TRDN: variants seen among roughly 807,000 people sequenced by gnomAD.
TRDN encodes triadin in skeletal muscle.
In TRDN, 161 loss-of-function variants were observed where a neutral mutation model predicts 149.7. The observed-to-expected ratio is 1.08, with a 90% CI of 0.95 to 1.23. The LOEUF (loss-of-function observed/expected upper bound fraction) is 1.23. Ranked by LOEUF, TRDN falls within the 50% of genes most tolerant of loss-of-function variation. TRDN has a pLI of 0.00. For synonymous variants in TRDN, 294 were observed against 250.5 expected (o/e 1.17, Z -1.64); for missense variants, 896 against 823.5 (o/e 1.09, Z -1.08).
At chr6:123,378,558 C>T (rs1313762481) in intron 16 of TRDN, among the ~76,000 whole-genome samples, 1 of 151,558 alleles carries the variant, frequency 6.6e-6, no homozygotes, top group Non-Finnish European at 1.5e-5. Context: ...CTCAAGAGGT[C>T]CACCCACCTC....
intron 1 of TRDN, among the ~76,000 whole-genome samples, chr6:123,591,505 C>CAA (rs1237436231): frequency 6.6e-6 from 1 of 152,210 alleles, no homozygotes; most frequent in Non-Finnish European, 1.5e-5. Flanking sequence ...CTCAGCCTCT[C>CAA]AAAGTGCTGG....
chr6:123,306,868 T>G (rs150343057), intron 24 of TRDN, among the ~76,000 whole-genome samples: 18 of 151,030 alleles, frequency 1.2e-4, no homozygotes, highest in Non-Finnish European at 1.9e-4. Flanking sequence ...CATGTCATGT[T>G]TGCCACCATT....
intron 2 of TRDN, among the ~76,000 whole-genome samples, chr6:123,569,051 C>T (rs1189901405): frequency 6.6e-6 from 1 of 151,976 alleles, no homozygotes; most frequent in African/African-American, 2.4e-5. Context: ...TTTTTGTTCC[C>T]ACATCTTTGA....
At chr6:123,504,048 G>C in intron 7 of TRDN, 147 bp from the exon 8 acceptor site, 1 of 782,728 alleles carries the variant, frequency 1.3e-6, no homozygotes. Context: ...TATTTTTCAG[G>C]AAAACAATGA....
At chr6:123,455,506 C>T (rs1776064046) in intron 10 of TRDN, among the ~76,000 whole-genome samples, 2 of 151,484 alleles carry the variant, frequency 1.3e-5, no homozygotes, top group South Asian at 4.2e-4. Flanking sequence ...AAAGGAGATG[C>T]TATATTTTAT....
chr6:123,363,278 G>T (rs1428661495), intron 20 of TRDN, among the ~76,000 whole-genome samples: 1 of 152,172 alleles, frequency 6.6e-6, no homozygotes, highest in Non-Finnish European at 1.5e-5. Context: ...GGAATTTGGG[G>T]ATTGGGTAGT....
At chr6:123,340,877 A>G (rs1187257701) in intron 21 of TRDN, among the ~76,000 whole-genome samples, 1 of 151,990 alleles carries the variant, frequency 6.6e-6, no homozygotes, top group Non-Finnish European at 1.5e-5. Context: ...GTCTCACAAC[A>G]TCTTGTGGTT....
At chr6:123,511,549 T>G (rs1002124391) in intron 7 of TRDN, among the ~76,000 whole-genome samples, 35 of 152,340 alleles carry the variant, frequency 2.3e-4, no homozygotes, top group African/African-American at 8.4e-4. Context: ...CAAGGTATAA[T>G]ACTGGTCAAA....
rs1388385480 is a variant in TRDN at position 123,426,500 on chromosome 6, T to C, written c.1051+11563A>G. Among the ~76,000 whole-genome samples the C allele has an allele frequency of 2.0e-5, 3 of 152,172 alleles. No individual in the cohort carries two copies. The East Asian group carries it at 5.8e-4, about 29-fold the overall frequency. On this transcript the variant is annotated intron_variant, in intron 12 of 40. Coordinates refer to ENST00000334268, the MANE Select transcript of TRDN (RefSeq NM_006073.4). ...AAATTCCTGGGAATGTTAGTGTCTA[T>C]ACATATTTTTAGAGGGAAGACAGCC...
rs192379600 is a variant in TRDN at position 123,310,138 on chromosome 6, C to T, written c.1510+6319G>A. On this transcript the variant is annotated intron_variant, in intron 24 of 40. Coordinates refer to ENST00000334268, the MANE Select transcript of TRDN (RefSeq NM_006073.4). ...CATCTGTCCAGTAAATCGCATATTT[C>T]AGTAAAAGGTGATTTTTTTGTAGTT... is the stretch of plus-strand genomic sequence containing the variant. Among the ~76,000 whole-genome samples the T allele has an allele frequency of 3.6e-3, 551 of 152,076 alleles. 4 individuals are homozygous for T. The highest frequency in any genetic ancestry group is 7.6e-3 in the Admixed American group (115 of 15,216).
chr6:123,593,472 C>A (rs1435589768), intron 1 of TRDN, among the ~76,000 whole-genome samples: 1 of 152,188 alleles, frequency 6.6e-6, no homozygotes, highest in Non-Finnish European at 1.5e-5. Flanking sequence ...GTGACTTACA[C>A]ACAACACAAA....
At chr6:123,476,891 A>C (rs894695422) in intron 9 of TRDN, among the ~76,000 whole-genome samples, 13 of 151,636 alleles carry the variant, frequency 8.6e-5, no homozygotes, top group African/African-American at 2.2e-4. Context: ...CTTCCTTACA[A>C]CTTATACAAA....
At chr6:123,358,303 C>T (rs1056474532) in intron 20 of TRDN, among the ~76,000 whole-genome samples, 1 of 152,134 alleles carries the variant, frequency 6.6e-6, no homozygotes, top group African/African-American at 2.4e-5. Context: ...TTTAGCTAAA[C>T]TGGGAGCTGG....
chr6:123,546,709 C>T (rs1024984713), intron 4 of TRDN, among the ~76,000 whole-genome samples: 2 of 152,012 alleles, frequency 1.3e-5, no homozygotes, highest in African/African-American at 4.8e-5. Context: ...TGCTGTCCTC[C>T]TTTGTCCTAG....
intron 10 of TRDN, among the ~76,000 whole-genome samples, chr6:123,459,236 C>T (rs759242498): frequency 5.3e-5 from 8 of 152,196 alleles, no homozygotes; most frequent in Admixed American, 5.2e-4. Context: ...CCCTCTCCAC[C>T]CCGACCCTTA....
chr6:123,312,452 A>G lies in TRDN; in HGVS notation c.1510+4005T>C, dbSNP rs116212849. ...ATTTTATCTTATGATATTTTAAATA[A>G]TATTTTCTGTTCTCTAGTTCACTTT... is the stretch of plus-strand genomic sequence containing the variant. On this transcript the variant is annotated intron_variant, in intron 24 of 40. Coordinates refer to ENST00000334268, the MANE Select transcript of TRDN (RefSeq NM_006073.4). 2.2e-3 allele frequency among the ~76,000 whole-genome samples: 337 copies of G among 152,066 alleles called. 3 individuals are homozygous for G. Among genetic ancestry groups the G allele is most frequent in the African/African-American group, 7.7e-3 (320 of 41,508 alleles).
intron 1 of TRDN, among the ~76,000 whole-genome samples, chr6:123,587,640 G>T (rs1783566883): frequency 6.6e-6 from 1 of 152,140 alleles, no homozygotes; most frequent in Non-Finnish European, 1.5e-5. Context: ...CCACCAACAG[G>T]CTTTGTGTGA....
chr6:123,475,382 C>A (rs2114751093), intron 9 of TRDN, among the ~76,000 whole-genome samples: 1 of 142,974 alleles, frequency 7.0e-6, no homozygotes, highest in South Asian at 2.3e-4. Flanking sequence ...TCTGAATAGA[C>A]CAATAACAGG....
intron 9 of TRDN, among the ~76,000 whole-genome samples, chr6:123,479,683 G>C (rs1361273561): frequency 6.6e-6 from 1 of 152,144 alleles, no homozygotes. Flanking sequence ...CTTTGAGCTT[G>C]CATTTGCAGG....
Sources: gnomAD v4.1 joint callset for allele counts (sites outside exome capture counted in the v4.1 genomes callset) on GRCh38, gnomAD v4.1.1 for gene constraint, MANE v1.5 for transcripts, NCBI Gene and HGNC (gene_info 2026-07-23, HGNC 2026-07-21) for gene names.